CACNB2: variants seen among roughly 807,000 people sequenced by gnomAD.
CACNB2 encodes the protein voltage-dependent L-type calcium channel subunit beta-2.
A neutral mutation model predicts 73.3 loss-of-function variants in CACNB2; 42 were observed. The ratio of observed to expected loss-of-function variants is 0.57; its 90% CI spans 0.45 to 0.74. CACNB2 has a LOEUF of 0.74. CACNB2 is among the 30% of genes least tolerant of loss of function. CACNB2 has a pLI of 0.00. For missense variants in CACNB2, 940 were observed against 853.0 expected, an observed-to-expected ratio of 1.10 and a Z score of -1.27; for synonymous variants, 348 against 310.3, an observed-to-expected ratio of 1.12 and a Z score of -1.28.
intron 2 of CACNB2, among the ~76,000 whole-genome samples, chr10:18,233,546 G>A (rs1277752): frequency 0.72 from 109,271 of 151,964 alleles, 40,515 homozygotes; most frequent in Non-Finnish European, 0.82. Flanking sequence ...TAGGTACTGC[G>A]CTGAGAATTA....
intron 3 of CACNB2, among the ~76,000 whole-genome samples, chr10:18,456,678 C>T (rs775702749): frequency 6.6e-6 from 1 of 152,132 alleles, no homozygotes; most frequent in East Asian, 1.9e-4. Flanking sequence ...CTAGCAACCA[C>T]TATTCTACTT....
chr10:18,479,157 C>T (rs2048589937), intron 3 of CACNB2, among the ~76,000 whole-genome samples: 1 of 152,086 alleles, frequency 6.6e-6, no homozygotes, highest in Non-Finnish European at 1.5e-5. Flanking sequence ...TTTATATATA[C>T]ACATATCTGT....
chr10:18,268,372 C>T (rs2131630097), intron 2 of CACNB2, among the ~76,000 whole-genome samples: 1 of 152,192 alleles, frequency 6.6e-6, no homozygotes, highest in East Asian at 1.9e-4. Flanking sequence ...TTTGACATAA[C>T]AGGATTATCT....
intron 2 of CACNB2, among the ~76,000 whole-genome samples, chr10:18,377,117 A>G (rs918739245): frequency 6.6e-6 from 1 of 152,240 alleles, no homozygotes; most frequent in Non-Finnish European, 1.5e-5. Flanking sequence ...CATGTACCAC[A>G]TAAATATATA....
intron 2 of CACNB2, among the ~76,000 whole-genome samples, chr10:18,386,648 C>T (rs2043248904): frequency 6.6e-6 from 1 of 152,062 alleles, no homozygotes; most frequent in Non-Finnish European, 1.5e-5. Context: ...CCTCGTGATC[C>T]ACCCATCTCA....
At chr10:18,361,701 C>G (rs960294964) in intron 2 of CACNB2, among the ~76,000 whole-genome samples, 3 of 151,342 alleles carry the variant, frequency 2.0e-5, no homozygotes, top group Non-Finnish European at 4.4e-5. Context: ...GAAACTTCCA[C>G]CTTCCGGGTC....
chr10:18,489,207 A>T (rs972858472), intron 3 of CACNB2, among the ~76,000 whole-genome samples: 5 of 151,924 alleles, frequency 3.3e-5, no homozygotes, highest in Non-Finnish European at 5.9e-5. Flanking sequence ...TGACAGAGCG[A>T]GACTCTGTGT....
chr10:18,356,421 A>G (rs573131671), intron 2 of CACNB2, among the ~76,000 whole-genome samples: 14 of 151,680 alleles, frequency 9.2e-5, no homozygotes, highest in African/African-American at 3.1e-4. Flanking sequence ...GATTATTATT[A>G]TTGTTGTTGT....
At chr10:18,379,978 C>T (rs1226208557) in intron 2 of CACNB2, among the ~76,000 whole-genome samples, 1 of 152,160 alleles carries the variant, frequency 6.6e-6, no homozygotes, top group Non-Finnish European at 1.5e-5. Context: ...TGAGCCACCA[C>T]ACCTGGCCCA....
Position 18,269,289 on chromosome 10 carries a change from A to G in CACNB2, c.213+118314A>G, listed in dbSNP as rs150084263. Among the ~76,000 whole-genome samples, 4 of 152,336 alleles carry G rather than the reference A, an allele frequency of 2.6e-5. No homozygotes were observed. In the East Asian group the frequency reaches 7.7e-4, roughly 29 times the overall value. On this transcript the variant is annotated intron_variant, in intron 2 of 13. Coordinates refer to ENST00000324631, the MANE Select transcript of CACNB2 (RefSeq NM_201596.3). ...AAGATACACACAACTCATGATGGTC[A>G]CATGGTCACATCTGTTAGACATGGC...
chr10:18,174,449 G>A (rs2033461069), intron 2 of CACNB2, among the ~76,000 whole-genome samples: 2 of 148,548 alleles, frequency 1.3e-5, no homozygotes, highest in African/African-American at 2.5e-5. Flanking sequence ...TGCCGCCCAG[G>A]CTGGAGTGCA....
chr10:18,442,484 C>T (rs1358321743), intron 3 of CACNB2, among the ~76,000 whole-genome samples: 1 of 151,324 alleles, frequency 6.6e-6, no homozygotes, highest in African/African-American at 2.4e-5. Flanking sequence ...GCAGAGTAAT[C>T]GTATTACCTT....
chr10:18,219,947 A>T (rs2035665258), intron 2 of CACNB2, among the ~76,000 whole-genome samples: 1 of 149,226 alleles, frequency 6.7e-6, no homozygotes. Context: ...TTGTATTTTT[A>T]ATAGAGATGG....
chr10:18,150,880 T>TTTTTTTTTTTTTTGTA lies in CACNB2; in HGVS notation c.121-3_121-2insTTTTTTTTTTTTTGTA. 2.3e-6 allele frequency: 3 copies of TTTTTTTTTTTTTTGTA among 1,300,362 alleles called. No homozygotes were observed. The highest frequency in any genetic ancestry group is 2.1e-6 in the Non-Finnish European group (2 of 943,294). The allele number at this position is 1,300,362 out of a possible 1,614,324, so 80.6% of individuals were successfully genotyped here. ...CTTTTTTTTTTTTTTTTTTTTTTTT[T>TTTTTTTTTTTTTTGTA]AGTCATATGGAAAAGGAGCCAGAAG... On this transcript the variant is annotated splice_polypyrimidine_tract_variant and splice_region_variant and intron_variant, in intron 1 of 13. Coordinates refer to ENST00000324631, the MANE Select transcript of CACNB2 (RefSeq NM_201596.3).
At chr10:18,247,378 A>T (rs1588836487) in intron 2 of CACNB2, among the ~76,000 whole-genome samples, 1 of 152,204 alleles carries the variant, frequency 6.6e-6, no homozygotes, top group Admixed American at 6.5e-5. Flanking sequence ...AGGACCATTC[A>T]AACATATTTT....
chr10:18,387,622 T>C (rs2043288905), intron 2 of CACNB2, among the ~76,000 whole-genome samples: 1 of 152,326 alleles, frequency 6.6e-6, no homozygotes, highest in African/African-American at 2.4e-5. Flanking sequence ...TTGGAGTATC[T>C]GAGTCTGGTT....
chr10:18,392,429 G>T (rs2043521673), intron 2 of CACNB2, among the ~76,000 whole-genome samples: 1 of 152,156 alleles, frequency 6.6e-6, no homozygotes, highest in South Asian at 2.1e-4. Context: ...CATCATTGAT[G>T]ACCTTGATGA....
chr10:18,284,928 C>T (rs529896553), intron 2 of CACNB2, among the ~76,000 whole-genome samples: 8 of 152,082 alleles, frequency 5.3e-5, no homozygotes, highest in African/African-American at 1.7e-4. Context: ...CAGATTTGGT[C>T]CCATTTTTAC....
At chr10:18,447,878 C>T (rs565070003) in intron 3 of CACNB2, among the ~76,000 whole-genome samples, 121 of 152,112 alleles carry the variant, frequency 8.0e-4, no homozygotes, top group Admixed American at 2.2e-3. Flanking sequence ...AAATTCTTTG[C>T]CTCCAAACCC....
Sources: allele counts gnomAD v4.1 joint callset (sites outside exome capture counted in the v4.1 genomes callset), GRCh38; gene constraint gnomAD v4.1.1; transcripts MANE v1.5; gene names NCBI Gene and HGNC (gene_info 2026-07-23, HGNC 2026-07-21).